CELF2: variants seen among roughly 807,000 people sequenced by gnomAD.
The protein encoded by CELF2 is CUGBP Elav-like family member 2, also known as CUG triplet repeat RNA-binding protein 2.
A neutral mutation model predicts 62.6 loss-of-function variants in CELF2; 8 were observed. That is an observed-to-expected ratio of 0.13 (90% confidence interval 0.07 to 0.23). The LOEUF is 0.23. Ranked by LOEUF, CELF2 falls within the 10% of genes least tolerant of loss-of-function variation. The probability of loss-of-function intolerance (pLI) is 1.00; values close to 1 mark genes in which losing one functional copy is unlikely to be tolerated. For missense variants in CELF2, 333 were observed against 671.0 expected, an observed-to-expected ratio of 0.50 and a Z score of 5.56; for synonymous variants, 258 against 250.0, an observed-to-expected ratio of 1.03 and a Z score of -0.30.
chr10:10,967,920 A>G lies in CELF2; in HGVS notation c.89+47921A>G, dbSNP rs572869026. Among the ~76,000 whole-genome samples the G allele has an allele frequency of 2.6e-5, 4 of 151,002 alleles. No homozygotes were observed. The South Asian group carries it at 6.3e-4, about 24-fold the overall frequency. On this transcript the variant is annotated intron_variant, in intron 2 of 13. Transcript: ENST00000636488. ...TGTAATATGAGTTATTAAGGTAAGCACACACACACACACACACACCCCATT... is the reference window on the plus strand; with the variant it reads ...TGTAATATGAGTTATTAAGGTAAGCGCACACACACACACACACACCCCATT...
intron 1 of CELF2, among the ~76,000 whole-genome samples, chr10:11,162,727 T>G (rs776634611): frequency 1.4e-4 from 21 of 152,306 alleles, no homozygotes; most frequent in Middle Eastern, 3.4e-3. Flanking sequence ...ATAAAAATTT[T>G]GAATTGAAAA....
At chr10:11,080,095 C>A (rs2073579619) in intron 1 of CELF2, among the ~76,000 whole-genome samples, 1 of 152,150 alleles carries the variant, frequency 6.6e-6, no homozygotes, top group Admixed American at 6.5e-5. Flanking sequence ...TTGACAGATG[C>A]TAGTTCAAAT....
At chr10:10,679,665 C>T in the CELF2 span, among the ~76,000 whole-genome samples, 17 of 152,258 alleles carry the variant, frequency 1.1e-4, no homozygotes, top group Admixed American at 8.5e-4. Flanking sequence ...GGATAATGAA[C>T]TCTCATATAT....
the CELF2 span, among the ~76,000 whole-genome samples, chr10:10,751,121 A>G: frequency 6.6e-6 from 1 of 152,248 alleles, no homozygotes; most frequent in African/African-American, 2.4e-5. Context: ...TGCTAACAAT[A>G]GCTCCTTTTC....
At chr10:10,883,105 C>A (rs2061537724) in intron 1 of CELF2, among the ~76,000 whole-genome samples, 1 of 152,064 alleles carries the variant, frequency 6.6e-6, no homozygotes, top group African/African-American at 2.4e-5. Context: ...GGCCATTACA[C>A]AATACTCAAA....
intron 1 of CELF2, among the ~76,000 whole-genome samples, chr10:10,918,272 T>A (rs1317032787): frequency 6.6e-6 from 1 of 152,156 alleles, no homozygotes; most frequent in Non-Finnish European, 1.5e-5. Context: ...CAGATTCTGT[T>A]TGGAAAGAGA....
chr10:11,131,075 A>G (rs1211385951), intron 1 of CELF2, among the ~76,000 whole-genome samples: 13 of 152,278 alleles, frequency 8.5e-5, no homozygotes, highest in Non-Finnish European at 1.9e-4. Context: ...CTTGTATTAC[A>G]TTGCAGTTCT....
At chr10:10,569,400 A>G in the CELF2 span, among the ~76,000 whole-genome samples, 2 of 152,172 alleles carry the variant, frequency 1.3e-5, no homozygotes, top group Non-Finnish European at 2.9e-5. Flanking sequence ...CACTACCACG[A>G]GAAAAGTATG....
At chr10:10,674,706 T>C in the CELF2 span, among the ~76,000 whole-genome samples, 1 of 152,208 alleles carries the variant, frequency 6.6e-6, no homozygotes, top group African/African-American at 2.4e-5. Flanking sequence ...TCTTACCTTA[T>C]TAGTGGTTGC....
intron 9 of CELF2, 44 bp downstream of exon 9, chr10:11,288,596 A>C: frequency 6.2e-7 from 1 of 1,605,758 alleles, no homozygotes; most frequent in Non-Finnish European, 8.5e-7. Flanking sequence ...ATGCAGCAGG[A>C]GTGGCAGGTA....
chr10:10,545,991 C>A, the CELF2 span, among the ~76,000 whole-genome samples: 1 of 152,140 alleles, frequency 6.6e-6, no homozygotes, highest in Non-Finnish European at 1.5e-5. Context: ...AGAAAGGGAA[C>A]AATCAGGAGA....
At chr10:10,942,017 A>C (rs2047108670) in intron 2 of CELF2, among the ~76,000 whole-genome samples, 1 of 151,068 alleles carries the variant, frequency 6.6e-6, no homozygotes, top group Non-Finnish European at 1.5e-5. Flanking sequence ...AAAAATCAAA[A>C]GTTAATAATC....
the CELF2 span, among the ~76,000 whole-genome samples, chr10:10,513,071 C>T: frequency 2.0e-5 from 3 of 152,200 alleles, no homozygotes; most frequent in Non-Finnish European, 4.4e-5. Context: ...CACTCCTTCA[C>T]TGAATGTTCT....
intron 1 of CELF2, among the ~76,000 whole-genome samples, chr10:10,859,530 A>G (rs1355473261): frequency 1.3e-5 from 2 of 152,202 alleles, no homozygotes; most frequent in Non-Finnish European, 2.9e-5. Flanking sequence ...TAGATAGAAC[A>G]TAACTGAATT....
intron 3 of CELF2, among the ~76,000 whole-genome samples, chr10:11,231,882 ATAAAT>A (rs10563241): frequency 0.012 from 1,885 of 151,938 alleles, 37 homozygotes; most frequent in African/African-American, 0.043. Flanking sequence ...AAATAAAAAA[ATAAAT>A]TAAAATCTTT....
chr10:10,604,293 C>G, the CELF2 span, among the ~76,000 whole-genome samples: 1 of 152,180 alleles, frequency 6.6e-6, no homozygotes, highest in Middle Eastern at 3.2e-3. Context: ...CGCATTGTTG[C>G]TGTGGTTCAC....
rs549164793 is a variant in CELF2 at position 11,237,839 on chromosome 10, C to G, written c.355-11314C>G. ...GATGATTTGTTGTTAAACCACAACT[C>G]GTTTCTCTTAAAATATGAGAGAATA... On this transcript the variant is annotated intron_variant, in intron 3 of 12. Transcript: ENST00000633077. This position sits in a 1 kb window ranked among gnomAD's most constrained non-coding sequence, Gnocchi z 4.0. 6.6e-6 allele frequency among the ~76,000 whole-genome samples: 1 copy of G among 152,178 alleles called. No individual in the cohort carries two copies. The highest frequency in any genetic ancestry group is 2.1e-4 in the South Asian group (1 of 4,826).
At chr10:11,022,787 T>C (rs1419348742) in intron 1 of CELF2, among the ~76,000 whole-genome samples, 2 of 152,108 alleles carry the variant, frequency 1.3e-5, no homozygotes, top group Non-Finnish European at 2.9e-5. Flanking sequence ...GGGCAAAAAA[T>C]CAGGGTAGCG....
rs1286134133 is a variant in CELF2, at chr10:11,223,764, C to G, written c.354+6257C>G. On this transcript the variant is annotated intron_variant, in intron 3 of 12. Transcript: ENST00000633077. The surrounding 1 kb of genome is among the most constrained non-coding windows in gnomAD (Gnocchi z 5.1). ...CAGCCAGGTGCAACAGGATGGCTCC[C>G]AGCTGAGCGGTATAGATCCAGGAGA... Among the ~76,000 whole-genome samples, 2 of 152,164 alleles carry G rather than the reference C, an allele frequency of 1.3e-5. No individual in the cohort carries two copies. Among genetic ancestry groups the G allele is most frequent in the Non-Finnish European group, 2.9e-5 (2 of 68,022 alleles).
Sources: gnomAD v4.1 joint callset for allele counts (sites outside exome capture counted in the v4.1 genomes callset) on GRCh38, gnomAD v4.1.1 for gene constraint, Gnocchi (gnomAD v3.1) non-coding constraint, MANE v1.5 for transcripts, NCBI Gene and HGNC (gene_info 2026-07-23, HGNC 2026-07-21) for gene names.